PTPRN2: variants seen among roughly 807,000 people sequenced by gnomAD.
PTPRN2 encodes protein tyrosine phosphatase receptor type N2, also known as receptor-type tyrosine-protein phosphatase N2.
In PTPRN2, 74 loss-of-function variants were observed where a neutral mutation model predicts 118.8. The ratio of observed to expected loss-of-function variants is 0.62; its 90% CI spans 0.52 to 0.76. The LOEUF (loss-of-function observed/expected upper bound fraction) is 0.76. Among genes scored for constraint, PTPRN2 ranks in the 30% least tolerant of loss-of-function variants. The pLI, the probability that PTPRN2 is intolerant of heterozygous loss-of-function variation, is 0.00. For synonymous variants in PTPRN2, 641 were observed against 608.0 expected, an observed-to-expected ratio of 1.05 and a Z score of -0.80; for missense variants, 1,481 against 1,394.4, an observed-to-expected ratio of 1.06 and a Z score of -0.99.
intron 12 of PTPRN2, among the ~76,000 whole-genome samples, chr7:157,712,470 G>C (rs1798692428): frequency 6.6e-6 from 1 of 152,174 alleles, no homozygotes; most frequent in South Asian, 2.1e-4. Context: ...GAAATTTGAG[G>C]CTGGGCAGGG....
intron 2 of PTPRN2, among the ~76,000 whole-genome samples, chr7:158,330,057 C>T (rs547693876): frequency 9.5e-5 from 14 of 146,844 alleles, no homozygotes; most frequent in African/African-American, 2.0e-4. Context: ...TCACTCACAC[C>T]CACACTCTCA....
intron 2 of PTPRN2, among the ~76,000 whole-genome samples, chr7:158,447,581 C>T (rs571365395): frequency 3.3e-5 from 5 of 152,212 alleles, no homozygotes; most frequent in East Asian, 1.9e-4. Context: ...AGCTTGCTCC[C>T]GCTGCCAGAG....
intron 21 of PTPRN2, 69 bp from the exon 22 acceptor site, chr7:157,549,088 T>A: frequency 1.4e-6 from 2 of 1,458,960 alleles, no homozygotes; most frequent in Non-Finnish European, 1.9e-6. Context: ...GTCAATCTCC[T>A]GCTAGCCACG....
At chr7:157,696,332 T>G (rs79222547) in intron 12 of PTPRN2, among the ~76,000 whole-genome samples, 4 of 98,858 alleles carry the variant, frequency 4.0e-5, no homozygotes, top group East Asian at 7.2e-4. Flanking sequence ...TGGGTCTTAG[T>G]AGAGCCCTCA....
At chr7:158,270,415 T>G (rs1249161347) in intron 3 of PTPRN2, among the ~76,000 whole-genome samples, 1 of 151,882 alleles carries the variant, frequency 6.6e-6, no homozygotes, top group Non-Finnish European at 1.5e-5. Flanking sequence ...TGGTGACTGG[T>G]CAACAAGGTG....
At position 157,881,439 on chromosome 7, in the gene PTPRN2, G is replaced by GC. The variant is rs1322197424; in HGVS notation, c.1788+17233dup. Among the ~76,000 whole-genome samples the GC allele has an allele frequency of 2.6e-5, 4 of 152,120 alleles. No individual in the cohort carries two copies. Among genetic ancestry groups the GC allele is most frequent in the African/African-American group, 9.7e-5 (4 of 41,402 alleles). ...AGGAGAGAGGCCTTGGGAGAGACCA[G>GC]CCCTGCCCACACCTTGATCTTGGAC... On this transcript the variant is annotated intron_variant, in intron 12 of 22. Transcript: ENST00000389418. This position sits in a 1 kb window ranked among gnomAD's most constrained non-coding sequence, Gnocchi z 4.7.
chr7:157,832,267 G>C (rs927966140), intron 12 of PTPRN2, among the ~76,000 whole-genome samples: 1 of 152,178 alleles, frequency 6.6e-6, no homozygotes, highest in Non-Finnish European at 1.5e-5. Context: ...ATTTCAGACC[G>C]ATCAGAGGCG....
At position 157,744,035 on chromosome 7, in the gene PTPRN2, C is replaced by T. The variant is rs568122607; in HGVS notation, c.1789-61098G>A. ...GACGTGCTCCGGGGCACGACTCTGA[C>T]GCAGCTTAGAAGAGCTAATGCTTGA... On this transcript the variant is annotated intron_variant, in intron 12 of 22. Coordinates refer to ENST00000389418, the MANE Select transcript of PTPRN2 (RefSeq NM_002847.5). 4.6e-4 allele frequency among the ~76,000 whole-genome samples: 70 copies of T among 152,334 alleles called. No homozygotes were observed. The South Asian group carries it at 0.01, about 23-fold the overall frequency.
chr7:157,608,602 G>C (rs1297795790), intron 15 of PTPRN2, among the ~76,000 whole-genome samples: 1 of 152,182 alleles, frequency 6.6e-6, no homozygotes, highest in South Asian at 2.1e-4. Flanking sequence ...ATGCCATCCA[G>C]TTCCCGAGTC....
intron 2 of PTPRN2, among the ~76,000 whole-genome samples, chr7:158,327,880 G>A (rs1803783661): frequency 6.6e-6 from 1 of 152,140 alleles, no homozygotes. Flanking sequence ...GTCCCATGGG[G>A]CTTCTCAAAG....
chr7:157,546,574 C>T lies in PTPRN2; in HGVS notation c.2976+2372G>A, dbSNP rs539468490. ...TTTGTTTGCTGAGGATGATGGCTTCCAGCCCCATCCATGTCGCTGTAAAGG... is the reference window on the plus strand; with the variant it reads ...TTTGTTTGCTGAGGATGATGGCTTCTAGCCCCATCCATGTCGCTGTAAAGG... On this transcript the variant is annotated intron_variant, in intron 22 of 22. Coordinates refer to ENST00000389418, the MANE Select transcript of PTPRN2 (RefSeq NM_002847.5). Among the ~76,000 whole-genome samples, 16 of 152,342 alleles carry T rather than the reference C, an allele frequency of 1.1e-4. No homozygotes were observed. The East Asian group carries it at 3.1e-3, about 29-fold the overall frequency.
intron 3 of PTPRN2, among the ~76,000 whole-genome samples, chr7:158,214,002 G>A (rs760172939): frequency 3.3e-5 from 5 of 152,114 alleles, no homozygotes; most frequent in Non-Finnish European, 7.3e-5. Flanking sequence ...AGAATCATCT[G>A]TACTGGGCAG....
At chr7:157,749,373 T>A (rs1046498298) in intron 12 of PTPRN2, among the ~76,000 whole-genome samples, 41 of 59,032 alleles carry the variant, frequency 6.9e-4, no homozygotes, top group South Asian at 2.0e-3. Context: ...GGTGATTCTG[T>A]GGCCTGTGTC....
intron 6 of PTPRN2, among the ~76,000 whole-genome samples, chr7:158,144,136 G>A (rs1318002884): frequency 6.6e-6 from 1 of 152,218 alleles, no homozygotes; most frequent in Non-Finnish European, 1.5e-5. Context: ...AATGGTGAGA[G>A]AATAAAAATC....
chr7:158,035,939 G>A (rs552120544), intron 11 of PTPRN2, among the ~76,000 whole-genome samples: 29 of 152,238 alleles, frequency 1.9e-4, no homozygotes, highest in Non-Finnish European at 2.9e-4. Flanking sequence ...AAAAGAAAAC[G>A]CAAACTAGAG....
chr7:158,194,557 C>T (rs1301026256), intron 4 of PTPRN2, among the ~76,000 whole-genome samples: 3 of 152,218 alleles, frequency 2.0e-5, no homozygotes, highest in South Asian at 2.1e-4. Context: ...CAGGCCCCGG[C>T]GTCATGCCCC....
chr7:158,225,368 C>T (rs79436446), intron 3 of PTPRN2, among the ~76,000 whole-genome samples: 5,256 of 152,048 alleles, frequency 0.035, 321 homozygotes, highest in African/African-American at 0.12. Flanking sequence ...ACCTCTGCAC[C>T]ACGGAGCACC....
At chr7:158,289,208 T>C (rs946236564) in intron 3 of PTPRN2, among the ~76,000 whole-genome samples, 2 of 152,236 alleles carry the variant, frequency 1.3e-5, no homozygotes, top group African/African-American at 4.8e-5. Context: ...TAGATATTTA[T>C]ATATTTCCCC....
At chr7:157,984,798 C>T (rs1036283342) in intron 11 of PTPRN2, among the ~76,000 whole-genome samples, 2 of 152,160 alleles carry the variant, frequency 1.3e-5, no homozygotes, top group African/African-American at 4.8e-5. Context: ...GCAGAAGCTC[C>T]CTAGTCACAG....
Sources: gnomAD v4.1 joint callset for allele counts (sites outside exome capture counted in the v4.1 genomes callset) on GRCh38, gnomAD v4.1.1 for gene constraint, Gnocchi (gnomAD v3.1) non-coding constraint, MANE v1.5 for transcripts, NCBI Gene and HGNC (gene_info 2026-07-23, HGNC 2026-07-21) for gene names.